Variants in OTUD5 observed in about 807,000 individuals in gnomAD.
The protein encoded by OTUD5 is OTU domain-containing protein 5.
Under a neutral mutation model 36.3 loss-of-function variants are expected in OTUD5, and 2 were observed. That is an observed-to-expected ratio of 0.06 (90% CI 0.02 to 0.17). OTUD5 has a LOEUF of 0.17. OTUD5 is among the 10% of genes least tolerant of loss of function. The pLI is 1.00. For synonymous variants in OTUD5, 234 were observed against 214.9 expected (o/e 1.09, Z -0.78); for missense variants, 233 against 512.3 (o/e 0.45, Z 5.26).
chrX:48,930,193 A>C (rs1557048536), intron 5 of OTUD5, among the ~76,000 whole-genome samples: 1 of 112,478 alleles, frequency 8.9e-6, no homozygotes, highest in Non-Finnish European at 1.9e-5. Context: ...AAATGAATGG[A>C]GTCTGTAACA....
chrX:48,957,815 G>A, upstream of OTUD5: 6 of 767,965 alleles, frequency 7.8e-6, no homozygotes, highest in Non-Finnish European at 7.7e-6. Context: ...AAGGCAGTGC[G>A]GCGAGTTTGT....
intron 1 of OTUD5, among the ~76,000 whole-genome samples, chrX:48,951,979 C>T (rs1412794289): frequency 9.0e-6 from 1 of 110,801 alleles, no homozygotes; most frequent in Non-Finnish European, 1.9e-5. Context: ...TCACTTGAAC[C>T]CGGAAGCCGG....
chrX:48,950,443 G>A (rs2064116593), intron 1 of OTUD5, among the ~76,000 whole-genome samples: 1 of 110,636 alleles, frequency 9.0e-6, no homozygotes, highest in Non-Finnish European at 1.9e-5. Context: ...CTTCCAGAAG[G>A]AGTGTGGCCC....
At chrX:48,927,776 C>A (rs1810953328) in intron 5 of OTUD5, among the ~76,000 whole-genome samples, 1 of 111,307 alleles carries the variant, frequency 9.0e-6, no homozygotes, top group African/African-American at 3.3e-5. Context: ...TAATCTTCAG[C>A]CTCTCTCCCC....
chrX:48,936,673 A>T (rs2147597836), intron 2 of OTUD5, among the ~76,000 whole-genome samples: 1 of 112,230 alleles, frequency 8.9e-6, no homozygotes, highest in Non-Finnish European at 1.9e-5. Context: ...AGTTCACACC[A>T]AAGTCCACCC....
chrX:48,934,633 G>C (rs1369820918), intron 4 of OTUD5, 21 bp from the exon 5 acceptor site: 5 of 1,207,968 alleles, frequency 4.1e-6, no homozygotes, highest in Non-Finnish European at 5.6e-6. Flanking sequence ...AGAGAAGGAG[G>C]GAGCATCCAC....
chrX:48,923,158 A>G lies in OTUD5; in HGVS notation c.*16T>C. ...GTACTGGGGTTGGGAGATGGTGTCC[A>G]ATCCCTGGGTCTCCATCAACTCTTG... On this transcript the variant is annotated 3_prime_UTR_variant, in exon 9 of 9. Transcript: ENST00000376488. 8.3e-7 allele frequency: 1 copy of G among 1,210,375 alleles called. No homozygotes were observed.
At chrX:48,949,002 A>G (rs980077188) in intron 1 of OTUD5, among the ~76,000 whole-genome samples, 13 of 111,494 alleles carry the variant, frequency 1.2e-4, no homozygotes, top group Non-Finnish European at 2.3e-4. Context: ...TAGCTCCACC[A>G]ATTATTAGCC....
intron 1 of OTUD5, among the ~76,000 whole-genome samples, chrX:48,951,276 C>T (rs1001503356): frequency 1.8e-5 from 2 of 111,897 alleles, no homozygotes; most frequent in Admixed American, 9.4e-5. Flanking sequence ...GCCAAGACCA[C>T]CCCCTCCAGC....
intron 6 of OTUD5, among the ~76,000 whole-genome samples, chrX:48,925,058 C>T (rs192473865): frequency 1.8e-5 from 2 of 110,249 alleles, no homozygotes; most frequent in Non-Finnish European, 3.8e-5. Flanking sequence ...GTGGTCGGAT[C>T]ACGAGGTCAG....
chrX:48,947,532 G>A lies in OTUD5; in HGVS notation c.595-3249C>T, dbSNP rs193129381. 3.3e-4 allele frequency among the ~76,000 whole-genome samples: 36 copies of A among 108,078 alleles called. 1 individual carries two copies. Among genetic ancestry groups the A allele is most frequent in the Admixed American group, 3.0e-3 (30 of 10,141 alleles). The allele number at this position is 108,078 out of a possible 115,157, so 93.9% of individuals were successfully genotyped here. ...AGCCTGACCAACATGGAGAAACCCC[G>A]TCTCTACTGAAAAATACAAAATTAG... On this transcript the variant is annotated intron_variant, in intron 1 of 8. Transcript: ENST00000376488.
intron 5 of OTUD5, among the ~76,000 whole-genome samples, 177 bp downstream of exon 5, chrX:48,934,287 C>T (rs889210158): frequency 6.3e-5 from 7 of 110,869 alleles, no homozygotes; most frequent in African/African-American, 2.3e-4. Context: ...GACCAAAGAA[C>T]AAGCCCTGAG....
chrX:48,923,148 G>C lies in OTUD5; in HGVS notation c.*26C>G, dbSNP rs2063607599. Reference sequence around the variant, plus strand: ...GAGAGCAGGAGTACTGGGGTTGGGAGATGGTGTCCAATCCCTGGGTCTCCA... The same window carrying C: ...GAGAGCAGGAGTACTGGGGTTGGGACATGGTGTCCAATCCCTGGGTCTCCA... On this transcript the variant is annotated 3_prime_UTR_variant, in exon 9 of 9. Transcript: ENST00000376488. 1 of 1,210,640 alleles carries C rather than the reference G, an allele frequency of 8.3e-7. No individual in the cohort carries two copies. Among genetic ancestry groups the C allele is most frequent in the Non-Finnish European group, 1.1e-6 (1 of 894,787 alleles).
chrX:48,923,781 G>A, intron 7 of OTUD5, 35 bp from the exon 8 acceptor site: 1 of 1,185,025 alleles, frequency 8.4e-7, no homozygotes, highest in Non-Finnish European at 1.1e-6. Flanking sequence ...TAGGGACCCA[G>A]GATCCAGGAC....
intron 5 of OTUD5, among the ~76,000 whole-genome samples, chrX:48,932,792 A>G (rs781955608): frequency 9.0e-6 from 1 of 110,507 alleles, no homozygotes; most frequent in African/African-American, 3.3e-5. Flanking sequence ...AAAAAAAAAA[A>G]TTTTTTTTCA....
At chrX:48,937,058 T>G (rs1436110594) in intron 2 of OTUD5, among the ~76,000 whole-genome samples, 1 of 111,629 alleles carries the variant, frequency 9.0e-6, no homozygotes, top group African/African-American at 3.3e-5. Context: ...CCAGTCCTCT[T>G]GGAGGTGAAG....
rs781964704 is a variant in OTUD5, at chrX:48,936,694, G to GC, written c.689-1677dup. On this transcript the variant is annotated intron_variant, in intron 2 of 8. Coordinates refer to ENST00000376488, the MANE Select transcript of OTUD5 (RefSeq NM_001136157.2). ...CACCAAAGTCCACCCCCAGCTCAGGGCCCGATACAGTAAAGGAAATCAGGA... is the reference window on the plus strand; with the variant it reads ...CACCAAAGTCCACCCCCAGCTCAGGGCCCCGATACAGTAAAGGAAATCAGGA... Among the ~76,000 whole-genome samples, 7 of 112,179 alleles carry GC rather than the reference G, an allele frequency of 6.2e-5. No individual in the cohort carries two copies. The East Asian group carries it at 2.0e-3, about 31-fold the overall frequency.
intron 1 of OTUD5, among the ~76,000 whole-genome samples, chrX:48,954,081 T>C (rs1443198472): frequency 9.0e-6 from 1 of 110,968 alleles, no homozygotes; most frequent in African/African-American, 3.3e-5. Flanking sequence ...TCTCCTGTCA[T>C]TGGGAAGGGC....
chrX:48,956,907 C>A lies in OTUD5; in HGVS notation c.594+70G>T, dbSNP rs1557055481. ...CCTTGGGGCGATCTCAAACAGCCTTCCTTGAGTCCCTTCACAGTCTGGGGG... is the reference window on the plus strand; with the variant it reads ...CCTTGGGGCGATCTCAAACAGCCTTACTTGAGTCCCTTCACAGTCTGGGGG... On this transcript the variant is annotated intron_variant, in intron 1 of 8. Transcript: ENST00000376488. The A allele has an allele frequency of 8.8e-6, 9 of 1,024,998 alleles. No homozygotes were observed. The African/African-American group carries it at 1.6e-4, about 18-fold the overall frequency. 84.5% of individuals were successfully genotyped at this position (1,024,998 alleles called of 1,213,427 possible).
Sources: allele counts gnomAD v4.1 joint callset (sites outside exome capture counted in the v4.1 genomes callset), GRCh38; gene constraint gnomAD v4.1.1; transcripts MANE v1.5; gene names NCBI Gene and HGNC (gene_info 2026-07-23, HGNC 2026-07-21).